Variants in USP25 observed in about 807,000 individuals in gnomAD.
USP25 encodes the protein ubiquitin specific peptidase 25, also known as ubiquitin carboxyl-terminal hydrolase 25.
In USP25, 85 loss-of-function variants were observed where a neutral mutation model predicts 158.5. The observed-to-expected ratio is 0.54, with a 90% CI of 0.45 to 0.64. USP25 has a LOEUF of 0.64. Among genes scored for constraint, USP25 ranks in the 30% least tolerant of loss-of-function variants. The probability of loss-of-function intolerance (pLI) is 0.00; values close to 1 mark genes in which losing one functional copy is unlikely to be tolerated. For synonymous variants in USP25, 464 were observed against 460.4 expected, an observed-to-expected ratio of 1.01 and a Z score of -0.10; for missense variants, 1,242 against 1,327.3, an observed-to-expected ratio of 0.94 and a Z score of 1.00.
At chr21:15,769,157 A>G (rs1405257899) in intron 3 of USP25, among the ~76,000 whole-genome samples, 4 of 152,064 alleles carry the variant, frequency 2.6e-5, no homozygotes, top group African/African-American at 9.7e-5. Flanking sequence ...AGGCTAAACT[A>G]TATTATGTCA....
At chr21:15,805,395 C>T in intron 7 of USP25, 137 bp downstream of exon 7, 1 of 841,302 alleles carries the variant, frequency 1.2e-6, no homozygotes, top group African/African-American at 1.8e-5. Flanking sequence ...CCATTTAAAA[C>T]ATTTGGGAGA....
intron 7 of USP25, among the ~76,000 whole-genome samples, chr21:15,808,263 C>T (rs992832912): frequency 2.0e-5 from 3 of 152,080 alleles, no homozygotes; most frequent in Non-Finnish European, 4.4e-5. Context: ...GTTGGGAGAG[C>T]AAAGACCAAA....
intron 5 of USP25, among the ~76,000 whole-genome samples, chr21:15,792,474 A>G (rs534183635): frequency 6.6e-6 from 1 of 151,822 alleles, no homozygotes; most frequent in Admixed American, 6.6e-5. Context: ...GTGACAGTTG[A>G]ATTATAGCTT....
At position 15,829,646 on chromosome 21, in the gene USP25, T is replaced by A. The variant is rs953585047; in HGVS notation, c.1694-885T>A. ...TTTTTTAAGTATTGAGCTATTTGTA[T>A]TTTTCTTATTACTTAATAGAAAGTT... On this transcript the variant is annotated intron_variant, in intron 14 of 25. Coordinates refer to ENST00000400183, the MANE Select transcript of USP25 (RefSeq NM_001283041.3). 3.9e-5 allele frequency among the ~76,000 whole-genome samples: 6 copies of A among 152,230 alleles called. No homozygotes were observed. In the East Asian group the frequency reaches 1.2e-3, roughly 29 times the overall value.
In USP25 at chr21:15,759,378, C is replaced by A. The variant is rs1249903428; in HGVS notation, c.46-3513C>A. Among the ~76,000 whole-genome samples the A allele has an allele frequency of 3.3e-5, 5 of 152,112 alleles. No homozygotes were observed. In the South Asian group the frequency reaches 1.0e-3, roughly 31 times the overall value. ...TAAGTACGTGCCTGTGACACAGCCT[C>A]AGGATGTCCTGACAACATGTGTCTA... On this transcript the variant is annotated intron_variant, in intron 1 of 25. Coordinates refer to ENST00000400183, the MANE Select transcript of USP25 (RefSeq NM_001283041.3).
At chr21:15,774,246 G>T (rs2034515049) in intron 3 of USP25, among the ~76,000 whole-genome samples, 1 of 152,148 alleles carries the variant, frequency 6.6e-6, no homozygotes, top group African/African-American at 2.4e-5. Flanking sequence ...ACCCATGCAT[G>T]AGTTTGTAAC....
At chr21:15,763,809 A>G (rs1051993370) in intron 2 of USP25, among the ~76,000 whole-genome samples, 1 of 152,166 alleles carries the variant, frequency 6.6e-6, no homozygotes, top group African/African-American at 2.4e-5. Context: ...ATTTAGTACT[A>G]CCAGGCAGTA....
chr21:15,792,743 G>T (rs1412348761), intron 5 of USP25, among the ~76,000 whole-genome samples: 2 of 151,024 alleles, frequency 1.3e-5, no homozygotes, highest in African/African-American at 4.9e-5. Flanking sequence ...TTTGCTTCTG[G>T]TGCATAATAT....
chr21:15,842,249 T>G lies in USP25; in HGVS notation c.2195-149T>G, dbSNP rs2038370405. On this transcript the variant is annotated intron_variant, in intron 17 of 25. Coordinates refer to ENST00000400183, the MANE Select transcript of USP25 (RefSeq NM_001283041.3). ...TTTTTTAATAAATTCTGGGAAGAAG[T>G]GCTATACGTGGAAAGATATATTTTA... 1.1e-5 allele frequency: 8 copies of G among 706,804 alleles called. No homozygotes were observed. In the South Asian group the frequency reaches 2.4e-4, roughly 21 times the overall value. The allele number at this position is 706,804 out of a possible 1,614,324, so 43.8% of individuals were successfully genotyped here.
At chr21:15,802,408 G>C (rs1034965587) in intron 6 of USP25, among the ~76,000 whole-genome samples, 1 of 151,618 alleles carries the variant, frequency 6.6e-6, no homozygotes, top group South Asian at 2.1e-4. Context: ...ATAAGTCTCA[G>C]TGCATCTTAG....
intron 1 of USP25, among the ~76,000 whole-genome samples, chr21:15,742,346 G>A (rs2032143113): frequency 6.6e-6 from 1 of 152,160 alleles, no homozygotes; most frequent in South Asian, 2.1e-4. Context: ...GAGGAGCCAG[G>A]AATGATGTAC....
intron 14 of USP25, among the ~76,000 whole-genome samples, chr21:15,829,802 G>T (rs939196445): frequency 3.9e-5 from 6 of 151,970 alleles, no homozygotes; most frequent in Non-Finnish European, 8.8e-5. Context: ...AAAGTGTTGG[G>T]CAGGGAGGAT....
Position 15,878,487 on chromosome 21 carries a change from T to C in USP25, c.*12T>C. On this transcript the variant is annotated 3_prime_UTR_variant, in exon 26 of 26. Transcript: ENST00000400183. ...CTGATGGAAGATAAACTGCACACTT[T>C]CCCTGAACACACTGTATAAACTCTT... 1.2e-6 allele frequency: 2 copies of C among 1,613,686 alleles called. No homozygotes were observed. Among genetic ancestry groups the C allele is most frequent in the Non-Finnish European group, 1.7e-6 (2 of 1,179,736 alleles).
chr21:15,748,172 A>G (rs568775048), intron 1 of USP25, among the ~76,000 whole-genome samples: 14 of 152,230 alleles, frequency 9.2e-5, no homozygotes, highest in Non-Finnish European at 1.9e-4. Flanking sequence ...TTTATTGAAC[A>G]GTTCCTCCTT....
intron 7 of USP25, 102 bp from the exon 8 acceptor site, chr21:15,808,707 G>A: frequency 1.4e-6 from 1 of 710,960 alleles, no homozygotes; most frequent in Non-Finnish European, 2.2e-6. Flanking sequence ...TAAGGAGTTG[G>A]TAATTATATA....
chr21:15,839,234 C>T (rs910584079), intron 17 of USP25, among the ~76,000 whole-genome samples: 7 of 152,098 alleles, frequency 4.6e-5, no homozygotes, highest in African/African-American at 1.7e-4. Flanking sequence ...CATCTAAGTT[C>T]CCTGGGAGGT....
At chr21:15,752,022 C>T (rs1016176054) in intron 1 of USP25, among the ~76,000 whole-genome samples, 1 of 152,198 alleles carries the variant, frequency 6.6e-6, no homozygotes, top group African/African-American at 2.4e-5. Context: ...GCAACCTCCG[C>T]CTTCTGGGTT....
At chr21:15,871,650 C>A (rs909109080) in intron 23 of USP25, among the ~76,000 whole-genome samples, 2 of 151,994 alleles carry the variant, frequency 1.3e-5, no homozygotes, top group African/African-American at 4.8e-5. Context: ...TTAGTTGTTC[C>A]CAGTTAACAT....
chr21:15,760,769 C>G (rs1232584365), intron 1 of USP25, among the ~76,000 whole-genome samples: 1 of 152,044 alleles, frequency 6.6e-6, no homozygotes, highest in Non-Finnish European at 1.5e-5. Context: ...TTTTTCTCCC[C>G]AAACCATTTG....
Sources: gnomAD v4.1 joint callset for allele counts (sites outside exome capture counted in the v4.1 genomes callset) on GRCh38, gnomAD v4.1.1 for gene constraint, MANE v1.5 for transcripts, NCBI Gene and HGNC (gene_info 2026-07-23, HGNC 2026-07-21) for gene names.